The following FAM131C variants were observed in gnomAD, a reference collection of about 807,000 sequenced individuals.
FAM131C encodes the protein protein FAM131C.
A neutral mutation model predicts 29.8 loss-of-function variants in FAM131C; 14 were observed. The observed-to-expected ratio is 0.47, with a 90% confidence interval of 0.31 to 0.73. The LOEUF is 0.73. Among genes scored for constraint, FAM131C ranks in the 30% least tolerant of loss-of-function variants. The pLI is 0.05. For synonymous variants in FAM131C, 86 were observed against 157.8 expected (o/e 0.54, Z 3.41); for missense variants, 252 against 383.8 (o/e 0.66, Z 2.87).
intron 1 of FAM131C, among the ~76,000 whole-genome samples, chr1:16,068,855 C>G (rs527821280): frequency 4.8e-4 from 73 of 152,316 alleles, no homozygotes; most frequent in African/African-American, 1.7e-3. Context: ...TCACCTCCCA[C>G]AAGCAACCTG....
At chr1:16,071,141 T>C (rs148831793) in intron 1 of FAM131C, among the ~76,000 whole-genome samples, 2 of 152,342 alleles carry the variant, frequency 1.3e-5, no homozygotes, top group African/African-American at 2.4e-5. Context: ...GCTCAGAGGC[T>C]ATGATTAGCA....
intron 3 of FAM131C, 117 bp downstream of exon 3, chr1:16,062,382 C>CG: frequency 2.0e-5 from 1 of 48,956 alleles, no homozygotes; most frequent in Non-Finnish European, 3.7e-5. Context: ...TTCATCAGGC[C>CG]CCCCCCCCCC....
rs540502898 is a variant in FAM131C, at chr1:16,061,614, G to C, written c.268+485C>G. 8.5e-5 allele frequency among the ~76,000 whole-genome samples: 13 copies of C among 152,244 alleles called. No individual in the cohort carries two copies. In the South Asian group the frequency reaches 2.7e-3, roughly 32 times the overall value. On this transcript the variant is annotated intron_variant, in intron 4 of 6. Transcript: ENST00000375662. ...TTGCCTTGGGGTGTCATCAATTCTGGGGTGCTATTTGTGCTCCCAAGCTCC... is the reference window on the plus strand; with the variant it reads ...TTGCCTTGGGGTGTCATCAATTCTGCGGTGCTATTTGTGCTCCCAAGCTCC...
At chr1:16,062,251 C>A in intron 3 of FAM131C, 59 bp from the exon 4 acceptor site, 1 of 1,555,464 alleles carries the variant, frequency 6.4e-7, no homozygotes. Context: ...CGACATCCCT[C>A]CAGCACCACC....
chr1:16,059,953 G>A lies in FAM131C; in HGVS notation c.367C>T (p.Pro123Ser), dbSNP rs939398090. The change falls in exon 5 of 7, where the codon CCG (proline) becomes TCG (serine). Residue 123 changes from proline to serine, a missense_variant. Physicochemically the swap from Pro to Ser is moderately conservative, Grantham distance 74. Transcript: ENST00000375662. Reference protein sequence around the residue: ...LIEWKGWSAQPAGWELSPAED... With the variant: ...LIEWKGWSAQSAGWELSPAED... ...GCTGGGGACAGCTCCCAGCCTGCCG[G>A]CTGGGCACTCCAGCCCTTCCACTCG... 14 of 1,590,084 alleles carry A rather than the reference G, an allele frequency of 8.8e-6. No individual in the cohort carries two copies. Among genetic ancestry groups the A allele is most frequent in the African/African-American group, 4.1e-5 (3 of 73,400 alleles).
intron 1 of FAM131C, among the ~76,000 whole-genome samples, chr1:16,064,461 C>G (rs1359594990): frequency 6.6e-6 from 1 of 152,154 alleles, no homozygotes; most frequent in Non-Finnish European, 1.5e-5. Context: ...CTGCCCCTGC[C>G]CTCCCCCCAG....
intron 2 of FAM131C, among the ~76,000 whole-genome samples, chr1:16,063,017 C>T (rs184902253): frequency 0.037 from 5,641 of 151,888 alleles, 82 homozygotes; most frequent in African/African-American, 0.053. Flanking sequence ...GGAGCAAGGG[C>T]GGAAATTATG....
intron 4 of FAM131C, 120 bp downstream of exon 4, chr1:16,061,979 G>A (rs1889791): frequency 0.29 from 258,266 of 893,072 alleles, 39,755 homozygotes; most frequent in Admixed American, 0.41. Context: ...TTTAGAACAT[G>A]GAGAATCCAA....
chr1:16,063,383 T>G (rs2023631400), intron 2 of FAM131C, 138 bp downstream of exon 2: 1 of 674,328 alleles, frequency 1.5e-6, no homozygotes, highest in Admixed American at 2.2e-5. Flanking sequence ...ATACCAGGCC[T>G]TAGGGCCCCT....
At chr1:16,069,754 G>A (rs748700910) in intron 1 of FAM131C, among the ~76,000 whole-genome samples, 8 of 152,192 alleles carry the variant, frequency 5.3e-5, no homozygotes, top group Non-Finnish European at 1.2e-4. Flanking sequence ...CTAAGCACTG[G>A]CCATATACTT....
intron 4 of FAM131C, among the ~76,000 whole-genome samples, chr1:16,060,911 G>A (rs1482514432): frequency 1.3e-5 from 2 of 152,158 alleles, no homozygotes; most frequent in African/African-American, 4.8e-5. Context: ...GGTTACCGCA[G>A]GGACCCAGCA....
chr1:16,058,834 C>T lies in FAM131C; in HGVS notation c.563-117G>A, dbSNP rs1244231924. 6.8e-6 allele frequency: 8 copies of T among 1,174,492 alleles called. 1 individual carries two copies. Among genetic ancestry groups the T allele is most frequent in the African/African-American group, 2.9e-5 (2 of 68,714 alleles). The allele number at this position is 1,174,492 out of a possible 1,614,324, so 72.8% of individuals were successfully genotyped here. ...CCTGCCTCCAAATCCAGCTATGTGA[C>T]GGCCGAGCCTTGTGACCTTGGTCAA... On this transcript the variant is annotated intron_variant, in intron 6 of 6. Transcript: ENST00000375662.
At chr1:16,066,591 C>T (rs568941637) in intron 1 of FAM131C, among the ~76,000 whole-genome samples, 1 of 152,072 alleles carries the variant, frequency 6.6e-6, no homozygotes, top group South Asian at 2.1e-4. Context: ...GTCATGCAGC[C>T]GTTTATTAAT....
At chr1:16,072,260 G>A (rs544489995) in intron 1 of FAM131C, among the ~76,000 whole-genome samples, 2 of 152,250 alleles carry the variant, frequency 1.3e-5, no homozygotes, top group African/African-American at 2.4e-5. Context: ...ATTCCACCCC[G>A]ATACCTCCCA....
intron 1 of FAM131C, among the ~76,000 whole-genome samples, chr1:16,070,893 C>G (rs368016556): frequency 1.7e-4 from 26 of 152,358 alleles, no homozygotes; most frequent in African/African-American, 6.0e-4. Flanking sequence ...GCACTCCTAG[C>G]CTCTCTACCA....
chr1:16,073,316 C>A lies in FAM131C; in HGVS notation c.22+105G>T, dbSNP rs1289226732. The A allele has an allele frequency of 1.0e-5, 6 of 572,166 alleles. No homozygotes were observed. In the Admixed American group the frequency reaches 2.3e-4, roughly 22 times the overall value. 35.4% of individuals were successfully genotyped at this position (572,166 alleles called of 1,614,324 possible). ...CGCGTCCCCAGGGGTGCGGCGGGGCCGTGAAGGGCGGGTCGCCAGCCCCAT... is the reference window on the plus strand; with the variant it reads ...CGCGTCCCCAGGGGTGCGGCGGGGCAGTGAAGGGCGGGTCGCCAGCCCCAT... On this transcript the variant is annotated intron_variant, in intron 1 of 6. Coordinates refer to ENST00000375662, the MANE Select transcript of FAM131C (RefSeq NM_182623.3).
chr1:16,067,212 C>T (rs540614461), intron 1 of FAM131C, among the ~76,000 whole-genome samples: 2 of 152,270 alleles, frequency 1.3e-5, no homozygotes, highest in East Asian at 1.9e-4. Context: ...CCCCTGAGGA[C>T]TTTGGCCCCA....
intron 1 of FAM131C, among the ~76,000 whole-genome samples, chr1:16,070,075 G>A (rs778909744): frequency 8.5e-5 from 13 of 152,128 alleles, no homozygotes; most frequent in Non-Finnish European, 1.8e-4. Flanking sequence ...CTATAGGGAC[G>A]TAAGAAAGCA....
At chr1:16,071,752 GT>G (rs2023752375) in intron 1 of FAM131C, among the ~76,000 whole-genome samples, 1 of 152,210 alleles carries the variant, frequency 6.6e-6, no homozygotes, top group Non-Finnish European at 1.5e-5. Flanking sequence ...AGAGGGGGCG[GT>G]GGAGGGAGCC....
Sources: gnomAD v4.1 joint callset for allele counts (sites outside exome capture counted in the v4.1 genomes callset) on GRCh38, gnomAD v4.1.1 for gene constraint, MANE v1.5 for transcripts, NCBI Gene and HGNC (gene_info 2026-07-23, HGNC 2026-07-21) for gene names.